Variants in MCM10 observed in about 807,000 individuals in gnomAD.
MCM10 encodes minichromosome maintenance 10 replication initiation factor.
In MCM10, 91 loss-of-function variants were observed where a neutral mutation model predicts 109.9. The ratio of observed to expected loss-of-function variants is 0.83; its 90% CI spans 0.70 to 0.99. The LOEUF (loss-of-function observed/expected upper bound fraction) is 0.99. MCM10 is among the 50% of genes least tolerant of loss of function. The probability of loss-of-function intolerance (pLI) is 0.00; values close to 1 mark genes in which losing one functional copy is unlikely to be tolerated. For synonymous variants in MCM10, 380 were observed against 387.2 expected, an observed-to-expected ratio of 0.98 and a Z score of 0.22; for missense variants, 1,077 against 1,061.2, an observed-to-expected ratio of 1.01 and a Z score of -0.21.
chr10:13,166,243 G>C (rs1402040706), intron 2 of MCM10, among the ~76,000 whole-genome samples: 1 of 152,108 alleles, frequency 6.6e-6, no homozygotes, highest in Non-Finnish European at 1.5e-5. Context: ...GCTGTGAATA[G>C]CACTAGATAC....
chr10:13,205,696 CT>C (rs998497865), intron 18 of MCM10, among the ~76,000 whole-genome samples: 4 of 152,110 alleles, frequency 2.6e-5, no homozygotes, highest in African/African-American at 4.8e-5. Context: ...TATTTTTTGC[CT>C]TTTTAATAAT....
chr10:13,180,217 C>G (rs1834192459), intron 6 of MCM10, among the ~76,000 whole-genome samples: 1 of 151,458 alleles, frequency 6.6e-6, no homozygotes, highest in East Asian at 1.9e-4. Flanking sequence ...CGCCACTGCA[C>G]TCCAGCCTGG....
At chr10:13,208,566 CAAAAAAAA>C (rs55683228) in intron 18 of MCM10, among the ~76,000 whole-genome samples, 2 of 114,454 alleles carry the variant, frequency 1.7e-5, no homozygotes, top group South Asian at 6.4e-4. Flanking sequence ...CCCATCTCTC[CAAAAAAAA>C]AAAAAAAAGG....
chr10:13,191,240 C>T, intron 10 of MCM10, 59 bp from the exon 11 acceptor site: 1 of 1,128,074 alleles, frequency 8.9e-7, no homozygotes, highest in Non-Finnish European at 1.4e-6. Context: ...GCCTTCTTTA[C>T]CTCATCAGAG....
Position 13,182,990 on chromosome 10 carries a change from T to C in MCM10, c.988T>C (p.Ser330Pro). 1 of 1,614,166 alleles carries C rather than the reference T, an allele frequency of 6.2e-7. No homozygotes were observed. Among genetic ancestry groups the C allele is most frequent in the Non-Finnish European group, 8.5e-7 (1 of 1,180,010 alleles). The change falls in exon 8 of 20, where the codon TCC (serine) becomes CCC (proline). Residue 330 changes from serine to proline, a missense_variant. Transcript: ENST00000378714. The surrounding 1 kb of genome is among the most constrained non-coding windows in gnomAD (Gnocchi z 4.2). ...NDLRDLTQCV[S>P]LFLFGEVHKA... ...TCTTCGTGACCTGACACAATGTGTG[T>C]CCTTGTTCTTATTTGGAGAAGTTCA...
At position 13,171,119 on chromosome 10, in the gene MCM10, G is replaced by A. The variant is rs146076863; in HGVS notation, c.205G>A (p.Asp69Asn). 138 of 1,614,224 alleles carry A rather than the reference G, an allele frequency of 8.5e-5. No individual in the cohort carries two copies. The African/African-American group carries it at 1.7e-3, about 20-fold the overall frequency. Residue 69 changes from aspartate to asparagine, a missense_variant, in exon 3 of 20, where the codon GAC becomes AAC. Asp to Asn is a conservative substitution (Grantham distance 23). Transcript: ENST00000378714. Reference sequence around the variant, plus strand: ...TGATGGAGAAACAGGAGAGACAAGAGACGAAAAGGAAAATCTGGCCACTCT... The same window carrying A: ...TGATGGAGAAACAGGAGAGACAAGAAACGAAAAGGAAAATCTGGCCACTCT... The part of the protein sequence containing the change: ...ADDGETGETR[D>N]EKENLATLFG...
At chr10:13,175,348 A>C (rs1834126889) in intron 5 of MCM10, among the ~76,000 whole-genome samples, 162 bp from the exon 6 acceptor site, 1 of 152,070 alleles carries the variant, frequency 6.6e-6, no homozygotes, top group African/African-American at 2.4e-5. Context: ...AACCCAGGAG[A>C]TGGAGGTTGC....
chr10:13,187,627 C>CT (rs1340423572), intron 9 of MCM10, among the ~76,000 whole-genome samples: 2 of 152,170 alleles, frequency 1.3e-5, no homozygotes, highest in Non-Finnish European at 2.9e-5. Context: ...ACCTGTTACT[C>CT]TATTTCTTTT....
intron 1 of MCM10, among the ~76,000 whole-genome samples, chr10:13,162,304 A>G (rs1833937259): frequency 6.6e-6 from 1 of 152,166 alleles, no homozygotes; most frequent in South Asian, 2.1e-4. Context: ...AATATGAATC[A>G]TTGCCTCGCA....
chr10:13,198,862 A>G lies in MCM10; in HGVS notation c.2238+55A>G. ...TGATGTCCGATGTCCTTCAAAGCCA[A>G]GGTGCTAGCTGTAGGACCAAGAATG... On this transcript the variant is annotated intron_variant, in intron 16 of 19. Coordinates refer to ENST00000378714, the MANE Select transcript of MCM10 (RefSeq NM_018518.5). 5 of 1,138,954 alleles carry G rather than the reference A, an allele frequency of 4.4e-6. No individual in the cohort carries two copies. The South Asian group carries it at 5.0e-5, about 11-fold the overall frequency. The allele number at this position is 1,138,954 out of a possible 1,614,324, so 70.6% of individuals were successfully genotyped here. A position where few individuals can be genotyped will look rare whatever the true frequency, so the allele number is the denominator to read the frequency against.
intron 13 of MCM10, among the ~76,000 whole-genome samples, chr10:13,194,089 C>T (rs1227931640): frequency 7.9e-5 from 12 of 152,108 alleles, no homozygotes; most frequent in African/African-American, 2.9e-4. Flanking sequence ...ATGAGGCTGG[C>T]TTGGTGGCTT....
In MCM10 at chr10:13,195,087, T is replaced by G. The variant is rs764667538; in HGVS notation, c.1792T>G (p.Ser598Ala). ...SEVESPAVPS[S>A]SRQPPAQPPR... The stretch of plus-strand genomic sequence containing the variant: ...AGTTGAGAGCCCAGCTGTGCCATCT[T>G]CATCAAGACAGCCCCCTGCTCAGCC... Residue 598 changes from serine (S) to alanine (A), a missense_variant, in exon 14 of 20, where the codon TCA becomes GCA. By Grantham distance (99) the Ser-to-Ala change is moderately conservative. Coordinates refer to ENST00000378714, the MANE Select transcript of MCM10 (RefSeq NM_018518.5). 1 of 1,614,162 alleles carries G rather than the reference T, an allele frequency of 6.2e-7. No individual in the cohort carries two copies. Among genetic ancestry groups the G allele is most frequent in the South Asian group, 1.1e-5 (1 of 91,068 alleles).
chr10:13,206,626 C>G (rs1240590177), intron 18 of MCM10, among the ~76,000 whole-genome samples: 1 of 151,992 alleles, frequency 6.6e-6, no homozygotes, highest in Non-Finnish European at 1.5e-5. Context: ...TTTTTCCAAA[C>G]TAGATGACTA....
chr10:13,210,532 T>G lies in MCM10; in HGVS notation c.*1222T>G, dbSNP rs1390098535. ...TTAGGTTTCCCCTAAGATGTTATTA[T>G]GTTAGGGACATAACACTTTTGGGAG... On this transcript the variant is annotated 3_prime_UTR_variant, in exon 20 of 20. Transcript: ENST00000378714. 1 of 152,208 alleles carries G rather than the reference T, an allele frequency of 6.6e-6. No individual in the cohort carries two copies. Among genetic ancestry groups the G allele is most frequent in the Non-Finnish European group, 1.5e-5 (1 of 68,040 alleles). 9.4% of individuals were successfully genotyped at this position (152,208 alleles called of 1,614,324 possible). A position where few individuals can be genotyped will look rare whatever the true frequency, so the allele number is the denominator to read the frequency against.
intron 8 of MCM10, 104 bp downstream of exon 8, chr10:13,183,204 C>T (rs1033749408): frequency 7.5e-7 from 1 of 1,340,756 alleles, no homozygotes; most frequent in Non-Finnish European, 1.0e-6. Flanking sequence ...ACCTGTAATC[C>T]TAACACTTTG....
chr10:13,190,439 T>A (rs1292304349), intron 10 of MCM10, among the ~76,000 whole-genome samples: 1 of 152,192 alleles, frequency 6.6e-6, no homozygotes, highest in Non-Finnish European at 1.5e-5. Context: ...ATCCCAGCAC[T>A]TCGGGAGGCC....
intron 18 of MCM10, among the ~76,000 whole-genome samples, chr10:13,206,904 A>C (rs2131592399): frequency 6.6e-6 from 1 of 152,132 alleles, no homozygotes; most frequent in Non-Finnish European, 1.5e-5. Context: ...TCATGGGCTC[A>C]AGCGATCCTT....
intron 2 of MCM10, among the ~76,000 whole-genome samples, chr10:13,167,191 C>T (rs1030480283): frequency 2.6e-5 from 4 of 152,140 alleles, no homozygotes; most frequent in Non-Finnish European, 5.9e-5. Context: ...GAGTCTTTCT[C>T]CAGGACCATT....
intron 9 of MCM10, among the ~76,000 whole-genome samples, chr10:13,188,077 G>A (rs1274420126): frequency 6.6e-6 from 1 of 152,100 alleles, no homozygotes; most frequent in Non-Finnish European, 1.5e-5. Flanking sequence ...CCTAGGAGTT[G>A]GAGGTTGCAG....
Sources: allele counts gnomAD v4.1 joint callset (sites outside exome capture counted in the v4.1 genomes callset), GRCh38; gene constraint gnomAD v4.1.1; non-coding constraint Gnocchi (gnomAD v3.1); transcripts MANE v1.5; gene names NCBI Gene and HGNC (gene_info 2026-07-23, HGNC 2026-07-21).